The following PCLO variants were observed in gnomAD, a reference collection of about 807,000 sequenced individuals.
The protein encoded by PCLO is piccolo presynaptic cytomatrix protein.
A neutral mutation model predicts 427.5 loss-of-function variants in PCLO; 82 were observed. The ratio of observed to expected loss-of-function variants is 0.19; its 90% confidence interval spans 0.16 to 0.23. The LOEUF is 0.23. PCLO is among the 10% of genes least tolerant of loss of function. The probability of loss-of-function intolerance (pLI) is 1.00; values close to 1 mark genes in which losing one functional copy is unlikely to be tolerated. For missense variants in PCLO, 6,239 were observed against 6,115.9 expected (o/e 1.02, Z -0.67); for synonymous variants, 2,357 against 2,155.4 (o/e 1.09, Z -2.59).
At chr7:82,765,048 C>T (rs993197580) in intron 22 of PCLO, among the ~76,000 whole-genome samples, 2 of 151,706 alleles carry the variant, frequency 1.3e-5, no homozygotes, top group African/African-American at 4.8e-5. Context: ...TTAGTGGGTT[C>T]TATAAAATGA....
At chr7:82,760,824 T>G (rs1283280527) in intron 23 of PCLO, 40 bp from the exon 24 acceptor site, 1 of 1,092,884 alleles carries the variant, frequency 9.2e-7, no homozygotes. Context: ...CCATCAATCA[T>G]ATAAATTTCT....
chr7:82,963,430 T>C (rs921429785), intron 4 of PCLO, among the ~76,000 whole-genome samples: 7 of 151,682 alleles, frequency 4.6e-5, no homozygotes, highest in Non-Finnish European at 1.0e-4. Context: ...AATTCTTTTT[T>C]TCATAATTGG....
rs11977152 is a variant in PCLO at position 83,155,527 on chromosome 7, G to C, written c.1114C>G (p.Pro372Ala). The change falls in exon 2 of 25, where the codon CCA becomes GCA. Residue 372 changes from proline (P) to alanine (A), a missense_variant. Coordinates refer to ENST00000333891, the MANE Select transcript of PCLO (RefSeq NM_033026.6). ...TTCTCTGACCCAGTCTGCTGAGCTG[G>C]AGGCTTAGCAGGACCAAGAGGCTGA... ...PAQPLGPAKP[P>A]AQQTGSEKPS... 6.2e-7 allele frequency: 1 copy of C among 1,612,760 alleles called. No homozygotes were observed. Among genetic ancestry groups the C allele is most frequent in the Non-Finnish European group, 8.5e-7 (1 of 1,179,174 alleles).
chr7:82,783,280 C>T (rs937749213), intron 22 of PCLO, among the ~76,000 whole-genome samples: 2 of 152,210 alleles, frequency 1.3e-5, no homozygotes, highest in Non-Finnish European at 2.9e-5. Flanking sequence ...AGTGAAAATA[C>T]TGCCTTATCT....
At chr7:82,789,837 C>A (rs1476899604) in intron 22 of PCLO, among the ~76,000 whole-genome samples, 1 of 152,110 alleles carries the variant, frequency 6.6e-6, no homozygotes, top group Non-Finnish European at 1.5e-5. Context: ...TGAAGGTTTG[C>A]TTTTCATCAT....
intron 6 of PCLO, among the ~76,000 whole-genome samples, chr7:82,932,750 G>A (rs894178989): frequency 6.6e-6 from 1 of 152,048 alleles, no homozygotes; most frequent in African/African-American, 2.4e-5. Context: ...AAGTATGCCT[G>A]TAGATGAAAC....
At chr7:82,846,237 A>C (rs1792498255) in intron 12 of PCLO, among the ~76,000 whole-genome samples, 1 of 152,170 alleles carries the variant, frequency 6.6e-6, no homozygotes, top group Non-Finnish European at 1.5e-5. Context: ...ATGTAAAACC[A>C]AAATGAAATG....
intron 3 of PCLO, among the ~76,000 whole-genome samples, chr7:82,973,405 A>T (rs1420627559): frequency 6.6e-6 from 1 of 151,510 alleles, no homozygotes; most frequent in East Asian, 1.9e-4. Flanking sequence ...ACATAAGATT[A>T]TATCAAATTA....
chr7:83,077,294 C>T lies in PCLO; in HGVS notation c.3300+56956G>A, dbSNP rs570468609. ...TTTCCAGCTTGTGTGACAAACAGGT[C>T]CAGAGAAGAAGGCAAAGGGCTCGTT... On this transcript the variant is annotated intron_variant, in intron 3 of 24. Coordinates refer to ENST00000333891, the MANE Select transcript of PCLO (RefSeq NM_033026.6). Among the ~76,000 whole-genome samples the T allele has an allele frequency of 2.0e-5, 3 of 152,110 alleles. No homozygotes were observed. The East Asian group carries it at 5.8e-4, about 29-fold the overall frequency.
intron 3 of PCLO, among the ~76,000 whole-genome samples, chr7:83,093,492 A>ATTTTT (rs1169852004): frequency 2.4e-4 from 14 of 59,316 alleles, no homozygotes; most frequent in African/African-American, 4.9e-4. Flanking sequence ...ATATATATAT[A>ATTTTT]TTTTTTTTTT....
intron 3 of PCLO, among the ~76,000 whole-genome samples, chr7:83,118,370 T>A (rs1267226817): frequency 6.6e-6 from 1 of 152,032 alleles, no homozygotes; most frequent in East Asian, 1.9e-4. Flanking sequence ...GAAAGCATCT[T>A]CGTAAGAGCC....
intron 10 of PCLO, among the ~76,000 whole-genome samples, chr7:82,874,204 A>G (rs1221901723): frequency 6.6e-6 from 1 of 151,310 alleles, no homozygotes; most frequent in Non-Finnish European, 1.5e-5. Flanking sequence ...ATTTCTTTAT[A>G]TATTGCTTGG....
intron 6 of PCLO, among the ~76,000 whole-genome samples, chr7:82,939,063 C>T (rs918093013): frequency 5.3e-5 from 8 of 151,946 alleles, no homozygotes; most frequent in African/African-American, 1.7e-4. Context: ...ACTGTCTGCC[C>T]GCGAACCTTT....
intron 3 of PCLO, among the ~76,000 whole-genome samples, chr7:83,054,030 A>G (rs1303249169): frequency 6.6e-6 from 1 of 152,016 alleles, no homozygotes; most frequent in East Asian, 1.9e-4. Context: ...TTGTACTCAT[A>G]AAAAGCACCA....
chr7:83,025,771 C>T (rs1259503736), intron 3 of PCLO, among the ~76,000 whole-genome samples: 1 of 151,124 alleles, frequency 6.6e-6, no homozygotes, highest in Non-Finnish European at 1.5e-5. Context: ...AGAAACCCTA[C>T]AAGCCAGAAG....
chr7:82,904,304 C>T (rs1352820938), intron 8 of PCLO, among the ~76,000 whole-genome samples: 1 of 151,700 alleles, frequency 6.6e-6, no homozygotes, highest in Non-Finnish European at 1.5e-5. Context: ...TCTCAGTCAG[C>T]CTCTCACTCT....
chr7:82,896,942 T>C (rs1320022278), intron 9 of PCLO, among the ~76,000 whole-genome samples: 1 of 151,706 alleles, frequency 6.6e-6, no homozygotes, highest in Non-Finnish European at 1.5e-5. Flanking sequence ...GCAAATGCCT[T>C]TTTCAAAAAT....
intron 3 of PCLO, among the ~76,000 whole-genome samples, chr7:83,121,888 C>G (rs909836547): frequency 2.6e-5 from 4 of 152,070 alleles, no homozygotes; most frequent in African/African-American, 9.7e-5. Context: ...CTCTGATAAA[C>G]ATTTATGCAA....
At chr7:83,147,161 A>G (rs1792016465) in intron 2 of PCLO, among the ~76,000 whole-genome samples, 3 of 152,066 alleles carry the variant, frequency 2.0e-5, no homozygotes, top group Non-Finnish European at 2.9e-5. Context: ...GTGTATATTA[A>G]CACATAAATC....
Sources: gnomAD v4.1 joint callset for allele counts (sites outside exome capture counted in the v4.1 genomes callset) on GRCh38, gnomAD v4.1.1 for gene constraint, MANE v1.5 for transcripts, NCBI Gene and HGNC (gene_info 2026-07-23, HGNC 2026-07-21) for gene names.